Variants in AP3B1 observed in about 807,000 individuals in gnomAD.
AP3B1 encodes the protein adaptor related protein complex 3 subunit beta 1.
In AP3B1, 61 loss-of-function variants were observed where a neutral mutation model predicts 132.5. The observed-to-expected ratio is 0.46, with a 90% CI of 0.37 to 0.57. The LOEUF (loss-of-function observed/expected upper bound fraction) is 0.57. Among genes scored for constraint, AP3B1 ranks in the 20% least tolerant of loss-of-function variants. AP3B1 has a pLI of 0.00. For synonymous variants in AP3B1, 388 were observed against 438.3 expected (o/e 0.89, Z 1.43); for missense variants, 1,120 against 1,289.4 (o/e 0.87, Z 2.01).
chr5:78,216,781 ATT>A (rs1374560861), intron 6 of AP3B1, among the ~76,000 whole-genome samples: 1 of 152,162 alleles, frequency 6.6e-6, no homozygotes, highest in Non-Finnish European at 1.5e-5. Context: ...AATATAATTT[ATT>A]TACAAAGAAA....
intron 1 of AP3B1, among the ~76,000 whole-genome samples, chr5:78,289,436 T>G (rs1369969705): frequency 2.0e-5 from 3 of 152,190 alleles, no homozygotes; most frequent in Admixed American, 1.3e-4. Context: ...ATGCAGTACT[T>G]TGCTTGGATC....
chr5:78,244,334 A>G (rs535001373), intron 2 of AP3B1, among the ~76,000 whole-genome samples: 1 of 152,048 alleles, frequency 6.6e-6, no homozygotes, highest in African/African-American at 2.4e-5. Flanking sequence ...AATCACTTGA[A>G]CCTGGGAGCC....
chr5:78,057,589 C>G (rs1279068496), intron 22 of AP3B1, among the ~76,000 whole-genome samples: 5 of 152,142 alleles, frequency 3.3e-5, no homozygotes. Flanking sequence ...ATGTACAGCC[C>G]TCTAAACACA....
At chr5:78,208,136 T>C (rs78251415) in intron 7 of AP3B1, among the ~76,000 whole-genome samples, 1 of 151,896 alleles carries the variant, frequency 6.6e-6, no homozygotes, top group South Asian at 2.1e-4. Flanking sequence ...AGAAATAGGA[T>C]TCAACACAGA....
chr5:78,158,197 C>A (rs1743234609), intron 13 of AP3B1, among the ~76,000 whole-genome samples: 1 of 152,146 alleles, frequency 6.6e-6, no homozygotes. Flanking sequence ...ATTGACTGGG[C>A]ACAGTGGCTC....
At position 78,201,088 on chromosome 5, in the gene AP3B1, G is replaced by C. The variant is rs116702677; in HGVS notation, c.786+14967C>G. Among the ~76,000 whole-genome samples, 1,143 of 152,246 alleles carry C rather than the reference G, an allele frequency of 7.5e-3. 18 individuals carry two copies. Among genetic ancestry groups the C allele is most frequent in the African/African-American group, 0.026 (1,069 of 41,562 alleles). Reference sequence around the variant, plus strand: ...TAAGCAAAGGACAGAGGCCTCAAGAGAAACCAAACCTGCCAACACCTTGAG... The same window carrying C: ...TAAGCAAAGGACAGAGGCCTCAAGACAAACCAAACCTGCCAACACCTTGAG... On this transcript the variant is annotated intron_variant, in intron 7 of 26. Coordinates refer to ENST00000255194, the MANE Select transcript of AP3B1 (RefSeq NM_003664.5).
chr5:78,069,236 A>G (rs1464733242), intron 22 of AP3B1, among the ~76,000 whole-genome samples: 2 of 152,232 alleles, frequency 1.3e-5, no homozygotes, highest in Admixed American at 6.5e-5. Flanking sequence ...CCTATTCAAC[A>G]TAGTATTGGA....
intron 11 of AP3B1, among the ~76,000 whole-genome samples, chr5:78,173,220 G>A (rs1743998899): frequency 6.6e-6 from 1 of 152,180 alleles, no homozygotes; most frequent in Non-Finnish European, 1.5e-5. Flanking sequence ...GTCCTGAGAA[G>A]AATGTATATT....
rs57730901 is a variant in AP3B1, at chr5:78,209,128, T to C, written c.786+6927A>G. Among the ~76,000 whole-genome samples the C allele has an allele frequency of 9.4e-3, 1,427 of 151,860 alleles. 28 individuals are homozygous for C. Among genetic ancestry groups the C allele is most frequent in the African/African-American group, 0.032 (1,330 of 41,402 alleles). On this transcript the variant is annotated intron_variant, in intron 7 of 26. Transcript: ENST00000255194. ...CACACACACACCAAAAATAAAATTC[T>C]TACCCCACAACCACCTGAAGGGACC...
intron 12 of AP3B1, among the ~76,000 whole-genome samples, chr5:78,165,239 T>A (rs769318769): frequency 3.9e-5 from 6 of 152,138 alleles, no homozygotes; most frequent in Non-Finnish European, 8.8e-5. Context: ...AAAATAGTCA[T>A]AGGTCAATAA....
chr5:78,241,228 C>T (rs1444927795), intron 2 of AP3B1, among the ~76,000 whole-genome samples: 1 of 150,292 alleles, frequency 6.7e-6, no homozygotes, highest in Admixed American at 6.6e-5. Flanking sequence ...TAGACAGATC[C>T]TACTCTGTCT....
chr5:78,097,036 C>T (rs1750851619), intron 21 of AP3B1, among the ~76,000 whole-genome samples: 1 of 127,626 alleles, frequency 7.8e-6, no homozygotes, highest in Non-Finnish European at 1.6e-5. Context: ...CCCGCCCGGC[C>T]AGCCGCCCCG....
rs116728718 is a variant in AP3B1, at chr5:78,135,005, T to G, written c.1651-5698A>C. 3.4e-3 allele frequency among the ~76,000 whole-genome samples: 514 copies of G among 152,340 alleles called. 3 individuals carry two copies. The highest frequency in any genetic ancestry group is 0.012 in the African/African-American group (498 of 41,570). On this transcript the variant is annotated intron_variant, in intron 15 of 26. Transcript: ENST00000255194. ...TGAGTTTTTCAATGCCAGGAAAACA[T>G]ATCAAAGAAAGGATAGAGATGTCAC...
chr5:78,024,615 A>T (rs1290308958), intron 24 of AP3B1, among the ~76,000 whole-genome samples: 1 of 132,478 alleles, frequency 7.5e-6, no homozygotes, highest in Admixed American at 9.2e-5. Flanking sequence ...CCCAGGCTGG[A>T]GTGCAGTGGT....
chr5:78,271,808 T>C lies in AP3B1; in HGVS notation c.129-4213A>G, dbSNP rs1242153759. ...CGTGGCTTACTTTCCAACCTGACTA[T>C]AGCATAACGTCACATGACATATAAA... On this transcript the variant is annotated intron_variant, in intron 1 of 26. Coordinates refer to ENST00000255194, the MANE Select transcript of AP3B1 (RefSeq NM_003664.5). Among the ~76,000 whole-genome samples the C allele has an allele frequency of 3.3e-5, 5 of 152,232 alleles. No homozygotes were observed. The South Asian group carries it at 6.2e-4, about 19-fold the overall frequency.
chr5:78,095,280 T>C (rs771427790), intron 21 of AP3B1, among the ~76,000 whole-genome samples: 2 of 152,260 alleles, frequency 1.3e-5, no homozygotes, highest in Non-Finnish European at 2.9e-5. Flanking sequence ...CTTCCTGGTA[T>C]GCACTGTGTA....
chr5:78,232,177 T>A (rs1307668044), intron 3 of AP3B1, among the ~76,000 whole-genome samples: 2 of 152,262 alleles, frequency 1.3e-5, no homozygotes, highest in African/African-American at 4.8e-5. Flanking sequence ...ATTCTTCTAA[T>A]ACTTTAAATT....
intron 26 of AP3B1, among the ~76,000 whole-genome samples, chr5:78,005,203 C>T (rs2112032472): frequency 6.6e-6 from 1 of 152,262 alleles, no homozygotes; most frequent in East Asian, 1.9e-4. Context: ...CTATTTCTGA[C>T]AGGGTTATAA....
intron 1 of AP3B1, among the ~76,000 whole-genome samples, chr5:78,274,357 TAAAA>T (rs1748681446): frequency 6.8e-6 from 1 of 147,632 alleles, no homozygotes; most frequent in Non-Finnish European, 1.5e-5. Flanking sequence ...CACAGAGAAA[TAAAA>T]GAATGGAAAA....
Sources: allele counts gnomAD v4.1 joint callset (sites outside exome capture counted in the v4.1 genomes callset), GRCh38; gene constraint gnomAD v4.1.1; transcripts MANE v1.5; gene names NCBI Gene and HGNC (gene_info 2026-07-23, HGNC 2026-07-21).